TLK1: variants seen among roughly 807,000 people sequenced by gnomAD.
TLK1 encodes the protein serine/threonine-protein kinase tousled-like 1.
Under a neutral mutation model 105.3 loss-of-function variants are expected in TLK1, and 24 were observed. The ratio of observed to expected loss-of-function variants is 0.23; its 90% CI spans 0.17 to 0.32. TLK1 has a LOEUF of 0.32. TLK1 is among the 10% of genes least tolerant of loss of function. The pLI is 1.00. For missense variants in TLK1, 558 were observed against 910.5 expected, an observed-to-expected ratio of 0.61 and a Z score of 4.98; for synonymous variants, 321 against 310.4, an observed-to-expected ratio of 1.03 and a Z score of -0.36.
At chr2:171,201,969 T>C (rs1392313131) in intron 1 of TLK1, among the ~76,000 whole-genome samples, 3 of 152,126 alleles carry the variant, frequency 2.0e-5, no homozygotes, top group African/African-American at 7.2e-5. Flanking sequence ...ATTATCTATC[T>C]ATCTATCTAG....
At chr2:170,994,823 C>A in intron 20 of TLK1, 1 of 401,044 alleles carries the variant, frequency 2.5e-6, no homozygotes, top group Non-Finnish European at 5.0e-6. Flanking sequence ...CTCTTTCACC[C>A]AATATTAAAT....
At chr2:171,115,338 A>AT (rs1183324676) in intron 2 of TLK1, among the ~76,000 whole-genome samples, 4 of 150,216 alleles carry the variant, frequency 2.7e-5, no homozygotes, top group South Asian at 2.1e-4. Flanking sequence ...TGCCTGGCTA[A>AT]TTTTTTTTTG....
chr2:171,119,868 T>G (rs118025113), intron 1 of TLK1, among the ~76,000 whole-genome samples: 2 of 152,138 alleles, frequency 1.3e-5, no homozygotes, highest in African/African-American at 2.4e-5. Flanking sequence ...TTTCTAACTC[T>G]TAGAAGAAAA....
chr2:171,081,579 T>C, intron 3 of TLK1: 4 of 1,137,912 alleles, frequency 3.5e-6, no homozygotes, highest in Non-Finnish European at 4.7e-6. Context: ...TTAGTATAAG[T>C]ATGTTAATTT....
At position 171,049,837 on chromosome 2, in the gene TLK1, A is replaced by G. The variant is rs1687147950; in HGVS notation, c.957T>C (p.Gly319=). ...ACTTCACAAGATTCTGAAATGCAAA[A>G]CCATCTGTCCATTGTTCAGTAAATG... ...GASFTEQWTD[G]FAFQNLVKQQ... is the part of the protein sequence containing the mutation. Residue 319 remains glycine, a synonymous_variant, in exon 10 of 21, where the codon GGT becomes GGC. Coordinates refer to ENST00000431350, the MANE Select transcript of TLK1 (RefSeq NM_012290.5). 6.2e-7 allele frequency: 1 copy of G among 1,613,684 alleles called. No individual in the cohort carries two copies. The highest frequency in any genetic ancestry group is 1.3e-5 in the African/African-American group (1 of 74,858).
At chr2:171,023,414 T>TATAC (rs1553605868) in intron 12 of TLK1, among the ~76,000 whole-genome samples, 72 of 147,632 alleles carry the variant, frequency 4.9e-4, no homozygotes, top group African/African-American at 1.7e-3. Flanking sequence ...CACTCACACA[T>TATAC]ACACACACAC....
chr2:171,168,006 C>G (rs1045793473), intron 1 of TLK1, among the ~76,000 whole-genome samples: 1 of 151,682 alleles, frequency 6.6e-6, no homozygotes, highest in African/African-American at 2.4e-5. Context: ...CTTTACTTAT[C>G]CTAAATTTTA....
chr2:171,060,118 T>A, intron 4 of TLK1: 3 of 1,399,312 alleles, frequency 2.1e-6, no homozygotes, highest in Non-Finnish European at 2.9e-6. Context: ...AAAAACAATT[T>A]AGGCAACCAT....
intron 1 of TLK1, among the ~76,000 whole-genome samples, chr2:171,193,711 T>G (rs1693206558): frequency 7.6e-6 from 1 of 131,032 alleles, no homozygotes; most frequent in Non-Finnish European, 1.6e-5. Flanking sequence ...TTTTTTTTTT[T>G]TTTTTTTTTT....
Position 171,136,617 on chromosome 2 carries a change from T to C in TLK1, c.140-18760A>G, listed in dbSNP as rs10202899. Among the ~76,000 whole-genome samples, 522 of 152,330 alleles carry C rather than the reference T, an allele frequency of 3.4e-3. 6 individuals are homozygous for C. Among genetic ancestry groups the C allele is most frequent in the African/African-American group, 0.012 (489 of 41,582 alleles). On this transcript the variant is annotated intron_variant, in intron 1 of 20. Transcript: ENST00000431350. ...GGCTAAGATGGTACATTTTATGTCG[T>C]GTGTTTTTTAACCACAATTACAATT...
At chr2:171,109,428 T>TA in intron 2 of TLK1, among the ~76,000 whole-genome samples, 1 of 152,274 alleles carries the variant, frequency 6.6e-6, no homozygotes, top group East Asian at 1.9e-4. Context: ...ATGGAACAGT[T>TA]ACAGCAGTTC....
intron 1 of TLK1, among the ~76,000 whole-genome samples, chr2:171,217,905 C>T (rs191142115): frequency 1.8e-4 from 28 of 152,156 alleles, no homozygotes; most frequent in Non-Finnish European, 2.6e-4. Flanking sequence ...GGAAGAATAC[C>T]GTATTAGTTT....
At chr2:171,095,997 G>A (rs1457501794) in intron 2 of TLK1, among the ~76,000 whole-genome samples, 1 of 151,546 alleles carries the variant, frequency 6.6e-6, no homozygotes, top group Non-Finnish European at 1.5e-5. Context: ...ATTCAATATA[G>A]TACCGGAAAT....
chr2:171,195,563 T>C (rs997718101), intron 1 of TLK1, among the ~76,000 whole-genome samples: 3 of 151,982 alleles, frequency 2.0e-5, no homozygotes, highest in African/African-American at 7.2e-5. Flanking sequence ...GAATATATAT[T>C]ATTTTCTACT....
At chr2:171,221,495 G>A (rs1693810104) in intron 1 of TLK1, among the ~76,000 whole-genome samples, 1 of 152,138 alleles carries the variant, frequency 6.6e-6, no homozygotes, top group Non-Finnish European at 1.5e-5. Flanking sequence ...AAAATCCAAA[G>A]CTTTCCATTG....
At chr2:171,131,036 C>T (rs1008578595) in intron 1 of TLK1, among the ~76,000 whole-genome samples, 1 of 151,950 alleles carries the variant, frequency 6.6e-6, no homozygotes, top group African/African-American at 2.4e-5. Flanking sequence ...GACACACCAA[C>T]CTGTAAACTT....
Position 171,160,326 on chromosome 2 carries a change from G to C in TLK1, c.103C>G (p.Leu35Val), listed in dbSNP as rs768117865. 3 of 1,602,270 alleles carry C rather than the reference G, an allele frequency of 1.9e-6. No homozygotes were observed. Among genetic ancestry groups the C allele is most frequent in the South Asian group, 1.1e-5 (1 of 89,836 alleles). ...CTCCCGGATGGCGGCGTGTGATTCA[G>C]CAGGGACCTGGCCGCCGCCGCCGAG... ...PGSAAAARSL[L>V]NHTPPSGRPR... The change falls in exon 1 of 21, where the codon CTG (leucine) becomes GTG (valine). Residue 35 changes from leucine to valine, a missense_variant. By Grantham distance (32) the Leu-to-Val change is conservative (BLOSUM62 1). Around this residue, in one of 5 missense-constraint regions of TLK1, gnomAD observed 104 missense variants for 116.0 expected, o/e 0.90. Transcript: ENST00000431350. The surrounding 1 kb of genome is among the most constrained non-coding windows in gnomAD (Gnocchi z 4.4).
At chr2:171,063,359 C>G (rs1224151540) in intron 3 of TLK1, among the ~76,000 whole-genome samples, 1 of 151,770 alleles carries the variant, frequency 6.6e-6, no homozygotes, top group African/African-American at 2.4e-5. Flanking sequence ...AACAAAAGAA[C>G]CCCAAGTCTA....
chr2:171,177,593 T>C (rs895572453), intron 1 of TLK1, among the ~76,000 whole-genome samples: 2 of 152,138 alleles, frequency 1.3e-5, no homozygotes, highest in Admixed American at 6.6e-5. Flanking sequence ...ACAGAACTGG[T>C]CATCAAAGAT....
Sources: gnomAD v4.1 joint callset for allele counts (sites outside exome capture counted in the v4.1 genomes callset) on GRCh38, gnomAD v4.1.1 for gene constraint, gnomAD v4.1.1 regional missense constraint, Gnocchi (gnomAD v3.1) non-coding constraint, MANE v1.5 for transcripts, NCBI Gene and HGNC (gene_info 2026-07-23, HGNC 2026-07-21) for gene names.